Variants in MDGA2 observed in about 807,000 individuals in gnomAD.
MDGA2 encodes the protein MAM domain containing glycosylphosphatidylinositol anchor 2.
MDGA2 carries 40 observed loss-of-function variants against 117.8 expected under a neutral mutation model. That is an observed-to-expected ratio of 0.34 (90% confidence interval 0.26 to 0.44). The LOEUF (loss-of-function observed/expected upper bound fraction) is 0.44. Among genes scored for constraint, MDGA2 ranks in the 20% least tolerant of loss-of-function variants. MDGA2 has a pLI of 1.00. For missense variants in MDGA2, 1,123 were observed against 1,250.6 expected, an observed-to-expected ratio of 0.90 and a Z score of 1.54; for synonymous variants, 452 against 439.0, an observed-to-expected ratio of 1.03 and a Z score of -0.37.
chr14:47,576,670 G>C (rs1176400647), intron 1 of MDGA2, among the ~76,000 whole-genome samples: 1 of 152,104 alleles, frequency 6.6e-6, no homozygotes. Context: ...AGTATAAATG[G>C]CTTACTATGG....
At chr14:46,857,916 GT>G (rs1357940966) in intron 14 of MDGA2, among the ~76,000 whole-genome samples, 2 of 152,016 alleles carry the variant, frequency 1.3e-5, no homozygotes, top group African/African-American at 4.8e-5. Context: ...GCTTCCCAAA[GT>G]TTTTGGGATT....
At chr14:47,219,448 A>G (rs1594732579) in intron 2 of MDGA2, among the ~76,000 whole-genome samples, 1 of 152,058 alleles carries the variant, frequency 6.6e-6, no homozygotes, top group African/African-American at 2.4e-5. Flanking sequence ...GAATACACAA[A>G]GATGCAAATG....
At chr14:47,097,161 A>T in intron 5 of MDGA2, 38 bp from the exon 6 acceptor site, 1 of 1,593,718 alleles carries the variant, frequency 6.3e-7, no homozygotes, top group Non-Finnish European at 8.6e-7. Context: ...ACCTATTTAG[A>T]TATGCTACAA....
intron 1 of MDGA2, among the ~76,000 whole-genome samples, chr14:47,560,539 T>G (rs962570023): frequency 6.6e-6 from 1 of 152,210 alleles, no homozygotes; most frequent in African/African-American, 2.4e-5. Context: ...TTGGCCCGCT[T>G]TTTAATGTGG....
At chr14:47,174,492 A>T (rs1002850770) in intron 3 of MDGA2, among the ~76,000 whole-genome samples, 7 of 152,134 alleles carry the variant, frequency 4.6e-5, no homozygotes, top group Non-Finnish European at 7.4e-5. Flanking sequence ...GGATTAAGAA[A>T]CTCACTCAAA....
chr14:47,405,488 G>A (rs879339125), intron 1 of MDGA2, among the ~76,000 whole-genome samples: 10 of 152,116 alleles, frequency 6.6e-5, no homozygotes, highest in Non-Finnish European at 1.2e-4. Flanking sequence ...CCTGTTTCTC[G>A]AAGATAAGGG....
rs532760441 is a variant in MDGA2, at chr14:47,089,657, G to A, written c.1195+7197C>T. Among the ~76,000 whole-genome samples, 29 of 152,020 alleles carry A rather than the reference G, an allele frequency of 1.9e-4. No homozygotes were observed. The South Asian group carries it at 5.8e-3, about 31-fold the overall frequency. ...TAAGGTACATGTGCACAACCTGCAG[G>A]TTTGTTACATATGTATAGCACATAT... On this transcript the variant is annotated intron_variant, in intron 6 of 16. Coordinates refer to ENST00000399232, the MANE Select transcript of MDGA2 (RefSeq NM_001113498.3).
intron 1 of MDGA2, among the ~76,000 whole-genome samples, chr14:47,657,516 T>C (rs564548104): frequency 6.6e-6 from 1 of 152,286 alleles, no homozygotes; most frequent in South Asian, 2.1e-4. Flanking sequence ...ATGTACCCCA[T>C]TCCTCAAGGA....
chr14:47,415,361 G>T (rs1892453242), intron 1 of MDGA2, among the ~76,000 whole-genome samples: 2 of 151,770 alleles, frequency 1.3e-5, no homozygotes, highest in South Asian at 2.1e-4. Context: ...ATATACTTTG[G>T]ATATCTACAC....
chr14:47,529,457 C>A (rs913572496), intron 1 of MDGA2, among the ~76,000 whole-genome samples: 2 of 152,020 alleles, frequency 1.3e-5, no homozygotes. Context: ...AGTATCCCCC[C>A]CCTCAGGTAT....
chr14:47,262,214 A>C (rs997202877), intron 2 of MDGA2, among the ~76,000 whole-genome samples: 2 of 152,186 alleles, frequency 1.3e-5, no homozygotes, highest in Admixed American at 6.6e-5. Flanking sequence ...CTATCAATAC[A>C]TATTGTTCAC....
chr14:47,477,661 C>T (rs1480887598), intron 1 of MDGA2, among the ~76,000 whole-genome samples: 1 of 152,148 alleles, frequency 6.6e-6, no homozygotes, highest in African/African-American at 2.4e-5. Context: ...TGACCAAAGG[C>T]CCTCCAGCAT....
chr14:47,122,739 A>G (rs1251399100), intron 5 of MDGA2, among the ~76,000 whole-genome samples: 4 of 152,100 alleles, frequency 2.6e-5, no homozygotes, highest in African/African-American at 9.7e-5. Flanking sequence ...TGCCTATGAT[A>G]ATGCAATTCT....
rs115031031 is a variant in MDGA2 at position 47,601,109 on chromosome 14, C to T, written c.280+73408G>A. On this transcript the variant is annotated intron_variant, in intron 1 of 16. Transcript: ENST00000399232. Reference sequence around the variant, plus strand: ...AGAAATCCTAAGCATCTTAATTTAACAAATATTTTTGAGCACTGACTATGT... The same window carrying T: ...AGAAATCCTAAGCATCTTAATTTAATAAATATTTTTGAGCACTGACTATGT... Among the ~76,000 whole-genome samples, 1,121 of 152,176 alleles carry T rather than the reference C, an allele frequency of 7.4e-3. 11 individuals are homozygous for T. The highest frequency in any genetic ancestry group is 0.025 in the African/African-American group (1,046 of 41,526).
chr14:47,193,438 G>A, intron 3 of MDGA2, among the ~76,000 whole-genome samples: 1 of 152,062 alleles, frequency 6.6e-6, no homozygotes, highest in East Asian at 1.9e-4. Context: ...TTAACCATGT[G>A]ACTATGTAAT....
chr14:47,321,654 G>GC (rs1370002953), intron 1 of MDGA2, among the ~76,000 whole-genome samples: 1 of 152,046 alleles, frequency 6.6e-6, no homozygotes, highest in East Asian at 1.9e-4. Context: ...TTTTATCTGA[G>GC]CCAGAGAAAA....
chr14:46,913,063 G>C (rs1302710251), intron 10 of MDGA2, among the ~76,000 whole-genome samples: 2 of 151,982 alleles, frequency 1.3e-5, no homozygotes, highest in Non-Finnish European at 2.9e-5. Flanking sequence ...ATTCACTAAA[G>C]AAATTGAAGT....
chr14:46,981,174 G>GGC (rs201938374), intron 8 of MDGA2, among the ~76,000 whole-genome samples: 111 of 151,602 alleles, frequency 7.3e-4, no homozygotes, highest in South Asian at 1.9e-3. Context: ...GAGGCCAAGG[G>GGC]GGGGGCGGAT....
At chr14:47,408,205 G>A (rs1007047874) in intron 1 of MDGA2, among the ~76,000 whole-genome samples, 6 of 151,984 alleles carry the variant, frequency 3.9e-5, no homozygotes, top group South Asian at 2.1e-4. Context: ...ACAGATGTGC[G>A]CCACCATGCC....
Sources: allele counts gnomAD v4.1 joint callset (sites outside exome capture counted in the v4.1 genomes callset), GRCh38; gene constraint gnomAD v4.1.1; transcripts MANE v1.5; gene names NCBI Gene and HGNC (gene_info 2026-07-23, HGNC 2026-07-21).